The following SCN9A variants were observed in gnomAD, a reference collection of about 807,000 sequenced individuals.
The protein encoded by SCN9A is sodium voltage-gated channel alpha subunit 9, also known as sodium channel protein type 9 subunit alpha.
SCN9A carries 131 observed loss-of-function variants against 187.0 expected under a neutral mutation model. That is an observed-to-expected ratio of 0.70 (90% CI 0.61 to 0.81). The LOEUF is 0.81. Among genes scored for constraint, SCN9A ranks in the 30% least tolerant of loss-of-function variants. The pLI is 0.00. For synonymous variants in SCN9A, 809 were observed against 808.6 expected (o/e 1.00, Z -0.01); for missense variants, 2,252 against 2,396.6 (o/e 0.94, Z 1.26).
intron 10 of SCN9A, among the ~76,000 whole-genome samples, chr2:166,288,189 G>C (rs1420633051): frequency 6.7e-6 from 1 of 149,092 alleles, no homozygotes; most frequent in Non-Finnish European, 1.5e-5. Context: ...AGTCATTGTA[G>C]GTAAAAGGTT....
intron 1 of SCN9A, among the ~76,000 whole-genome samples, chr2:166,371,040 G>A (rs12996068): frequency 0.68 from 103,604 of 152,054 alleles, 36,046 homozygotes; most frequent in African/African-American, 0.83. Flanking sequence ...GACATAACAA[G>A]AGGAAATCAT....
At chr2:166,306,413 T>A in intron 4 of SCN9A, 97 bp downstream of exon 4, 1 of 746,412 alleles carries the variant, frequency 1.3e-6, no homozygotes, top group Non-Finnish European at 2.4e-6. Context: ...AGGTAAAGAT[T>A]CCCCATCTTC....
intron 16 of SCN9A, among the ~76,000 whole-genome samples, chr2:166,273,493 A>G (rs1697093771): frequency 6.6e-6 from 1 of 152,162 alleles, no homozygotes. Flanking sequence ...CCTGATTCAC[A>G]TGCAATAATG....
chr2:166,284,377 A>G, intron 12 of SCN9A, 76 bp downstream of exon 12: 1 of 1,506,852 alleles, frequency 6.6e-7, no homozygotes, highest in East Asian at 2.4e-5. Context: ...AGACCAGAGA[A>G]GGCCCTTCAG....
At chr2:166,262,423 A>G (rs1696547520) in intron 17 of SCN9A, among the ~76,000 whole-genome samples, 1 of 151,958 alleles carries the variant, frequency 6.6e-6, no homozygotes, top group South Asian at 2.1e-4. Flanking sequence ...TTAAACACCT[A>G]AAATATAAAA....
chr2:166,340,900 G>A (rs557734401), intron 1 of SCN9A, among the ~76,000 whole-genome samples: 2 of 152,176 alleles, frequency 1.3e-5, no homozygotes, highest in Admixed American at 1.3e-4. Flanking sequence ...TGGGATTGCA[G>A]GCATGAGCCG....
chr2:166,233,530 C>A, intron 20 of SCN9A, 68 bp from the exon 21 acceptor site: 5 of 1,317,124 alleles, frequency 3.8e-6, no homozygotes, highest in Non-Finnish European at 5.1e-6. Context: ...AAAGTCAATT[C>A]TGAAACTCAC....
rs553570026 is a variant in SCN9A at position 166,346,036 on chromosome 2, C to T, written c.-51+29661G>A. On this transcript the variant is annotated intron_variant, in intron 1 of 26. Coordinates refer to ENST00000642356, the MANE Select transcript of SCN9A (RefSeq NM_001365536.1). ...AACAAAGATGGAGAAGAATACCTTACTGAAATATGAATAAGGAATGTCTCA... is the reference window on the plus strand; with the variant it reads ...AACAAAGATGGAGAAGAATACCTTATTGAAATATGAATAAGGAATGTCTCA... Among the ~76,000 whole-genome samples the T allele has an allele frequency of 2.6e-4, 40 of 152,240 alleles. No homozygotes were observed. In the South Asian group the frequency reaches 8.3e-3, roughly 32 times the overall value.
chr2:166,226,945 C>T (rs1371797483), intron 23 of SCN9A, among the ~76,000 whole-genome samples: 1 of 151,816 alleles, frequency 6.6e-6, no homozygotes, highest in Non-Finnish European at 1.5e-5. Flanking sequence ...CTTCAAATAA[C>T]TACAAAGGGC....
rs141521157 is a variant in SCN9A at position 166,375,940 on chromosome 2, A to G, written c.-294T>C. ...GGAGCGCTGGCGACCGCCTGCAAGC[A>G]GACTGCGCCCCTCCTGCCAGGGCGC... On this transcript the variant is annotated 5_prime_UTR_variant, in exon 1 of 27. Coordinates refer to ENST00000642356, the MANE Select transcript of SCN9A (RefSeq NM_001365536.1). 1,039 of 152,340 alleles carry G rather than the reference A, an allele frequency of 6.8e-3. 16 individuals are homozygous for G. Among genetic ancestry groups the G allele is most frequent in the Non-Finnish European group, 7.4e-3 (503 of 68,064 alleles). The allele number at this position is 152,340 out of a possible 1,614,324, so 9.4% of individuals were successfully genotyped here. A position where few individuals can be genotyped will look rare whatever the true frequency, so the allele number is the denominator to read the frequency against.
chr2:166,359,688 G>A (rs1337271622), intron 1 of SCN9A, among the ~76,000 whole-genome samples: 1 of 151,830 alleles, frequency 6.6e-6, no homozygotes, highest in Non-Finnish European at 1.5e-5. Flanking sequence ...CAATTTTATG[G>A]CATTTTATAG....
At chr2:166,356,862 T>C (rs1166303168) in intron 1 of SCN9A, among the ~76,000 whole-genome samples, 6 of 152,184 alleles carry the variant, frequency 3.9e-5, no homozygotes, top group Non-Finnish European at 7.4e-5. Flanking sequence ...TATTTAGTCA[T>C]TCCCACACTG....
intron 1 of SCN9A, among the ~76,000 whole-genome samples, chr2:166,319,990 T>G (rs1237517662): frequency 6.6e-6 from 1 of 152,068 alleles, no homozygotes; most frequent in Non-Finnish European, 1.5e-5. Context: ...CATAACTGCT[T>G]GGAATTTGAG....
In SCN9A at chr2:166,280,454, G is replaced by A. The variant is rs200922731; in HGVS notation, c.2246C>T (p.Ala749Val). The A allele has an allele frequency of 6.3e-7, 1 of 1,588,456 alleles. No homozygotes were observed. Among genetic ancestry groups the A allele is most frequent in the Non-Finnish European group, 8.6e-7 (1 of 1,165,384 alleles). Residue 749 changes from alanine to valine, a missense_variant, in exon 14 of 27, where the codon GCA becomes GTA. Ala to Val is a moderately conservative substitution (Grantham distance 64). Around this residue, in one of 7 missense-constraint regions of SCN9A, gnomAD observed 1,013 missense variants for 997.4 expected, o/e 1.02. Transcript: ENST00000642356. ...GTTTAAAACTATGCAAATGGTAATT[G>A]CAAGATCTACAAAAGGATCCATTAC... Reference protein sequence around the residue: ...FIVMDPFVDLAITICIVLNTL... With the variant: ...FIVMDPFVDLVITICIVLNTL...
intron 1 of SCN9A, among the ~76,000 whole-genome samples, chr2:166,348,189 G>A (rs1421316841): frequency 1.3e-5 from 2 of 149,282 alleles, no homozygotes; most frequent in African/African-American, 4.9e-5. Flanking sequence ...GTAACGGTTT[G>A]TTGATTATCA....
chr2:166,357,078 T>G (rs544215781), intron 1 of SCN9A, among the ~76,000 whole-genome samples: 56 of 152,216 alleles, frequency 3.7e-4, no homozygotes, highest in African/African-American at 1.3e-3. Context: ...AGCCAAGTAC[T>G]TATTAGTTAT....
At chr2:166,297,807 A>G (rs1273273971) in intron 7 of SCN9A, among the ~76,000 whole-genome samples, 1 of 152,200 alleles carries the variant, frequency 6.6e-6, no homozygotes, top group Non-Finnish European at 1.5e-5. Flanking sequence ...GGAATGCAGC[A>G]TAACGGCAAA....
Position 166,280,453 on chromosome 2 carries a change from T to A in SCN9A, c.2247A>T (p.Ala749=). ...FIVMDPFVDL[A]ITICIVLNTL... ...TGTTTAAAACTATGCAAATGGTAATTGCAAGATCTACAAAAGGATCCATTA... is the reference window on the plus strand; with the variant it reads ...TGTTTAAAACTATGCAAATGGTAATAGCAAGATCTACAAAAGGATCCATTA... The change falls in exon 14 of 27, where the codon GCA becomes GCT. Residue 749 remains alanine (A), a synonymous_variant. Coordinates refer to ENST00000642356, the MANE Select transcript of SCN9A (RefSeq NM_001365536.1). 6.3e-7 allele frequency: 1 copy of A among 1,589,236 alleles called. No individual in the cohort carries two copies. The highest frequency in any genetic ancestry group is 8.6e-7 in the Non-Finnish European group (1 of 1,165,920).
chr2:166,241,378 G>A (rs2106408585), intron 19 of SCN9A, among the ~76,000 whole-genome samples: 1 of 152,134 alleles, frequency 6.6e-6, no homozygotes, highest in Middle Eastern at 3.4e-3. Context: ...GCTTGTATGT[G>A]TACAAGAATG....
Sources: gnomAD v4.1 joint callset for allele counts (sites outside exome capture counted in the v4.1 genomes callset) on GRCh38, gnomAD v4.1.1 for gene constraint, gnomAD v4.1.1 regional missense constraint, MANE v1.5 for transcripts, NCBI Gene and HGNC (gene_info 2026-07-23, HGNC 2026-07-21) for gene names.